MLN: variants seen among roughly 807,000 people sequenced by gnomAD.
MLN encodes the protein promotilin.
Under a neutral mutation model 13.3 loss-of-function variants are expected in MLN, and 14 were observed. The ratio of observed to expected loss-of-function variants is 1.05; its 90% CI spans 0.69 to 1.64. The LOEUF is 1.64. Ranked by LOEUF, MLN falls within the 40% of genes most tolerant of loss-of-function variation. The pLI is 0.00. For missense variants in MLN, 122 were observed against 142.9 expected, an observed-to-expected ratio of 0.85 and a Z score of 0.75; for synonymous variants, 59 against 54.7, an observed-to-expected ratio of 1.08 and a Z score of -0.34.
rs1760907030 is a variant in MLN, at chr6:33,803,763, C to T, written c.-8+190G>A. Among the ~76,000 whole-genome samples the T allele has an allele frequency of 6.6e-6, 1 of 152,250 alleles. No homozygotes were observed. Among genetic ancestry groups the T allele is most frequent in the African/African-American group, 2.4e-5 (1 of 41,466 alleles). On this transcript the variant is annotated intron_variant, in intron 1 of 4. Coordinates refer to ENST00000430124, the MANE Select transcript of MLN (RefSeq NM_002418.3). The surrounding 1 kb of genome is among the most constrained non-coding windows in gnomAD (Gnocchi z 4.5). ...GTTGTACCCACCTGCTTGCCTCCAG[C>T]GTCTGTGCCTCAGCCCTGCCTCTGC...
At position 33,794,843 on chromosome 6, in the gene MLN, A is replaced by G; in HGVS notation, c.338-8T>C. 6.2e-7 allele frequency: 1 copy of G among 1,613,642 alleles called. No individual in the cohort carries two copies. Among genetic ancestry groups the G allele is most frequent in the Non-Finnish European group, 8.5e-7 (1 of 1,179,742 alleles). On this transcript the variant is annotated splice_polypyrimidine_tract_variant and splice_region_variant and intron_variant, in intron 4 of 4. Coordinates refer to ENST00000430124, the MANE Select transcript of MLN (RefSeq NM_002418.3). ...GTGGCCATCACTTGGCTGCTGGAGA[A>G]AAGCAGAGGTTTGCGCTCAGTACCA... is the stretch of plus-strand genomic sequence containing the variant.
chr6:33,794,889 A>ACTGC (rs1339621193), intron 4 of MLN, 54 bp from the exon 5 acceptor site: 1 of 1,604,318 alleles, frequency 6.2e-7, no homozygotes, highest in Non-Finnish European at 8.5e-7. Flanking sequence ...TGCTTATGAA[A>ACTGC]CTGCCCTCTA....
chr6:33,799,255 C>T lies in MLN; in HGVS notation c.118-34G>A, dbSNP rs1450535841. 5 of 1,502,880 alleles carry T rather than the reference C, an allele frequency of 3.3e-6. No homozygotes were observed. The highest frequency in any genetic ancestry group is 4.6e-6 in the Non-Finnish European group (5 of 1,082,134). The allele number at this position is 1,502,880 out of a possible 1,614,324, so 93.1% of individuals were successfully genotyped here. A position where few individuals can be genotyped will look rare whatever the true frequency, so the allele number is the denominator to read the frequency against. On this transcript the variant is annotated intron_variant, in intron 2 of 4. Coordinates refer to ENST00000430124, the MANE Select transcript of MLN (RefSeq NM_002418.3). This position sits in a 1 kb window ranked among gnomAD's most constrained non-coding sequence, Gnocchi z 4.6. Reference sequence around the variant, plus strand: ...AGAACAGAAAATTGCACAAAACCGCCCTCCCTCAACCCACGCTGATGGCCC... The same window carrying T: ...AGAACAGAAAATTGCACAAAACCGCTCTCCCTCAACCCACGCTGATGGCCC...
Position 33,802,457 on chromosome 6 carries a change from A to G in MLN, c.-7-1287T>C, listed in dbSNP as rs1022826105. Among the ~76,000 whole-genome samples, 7 of 152,246 alleles carry G rather than the reference A, an allele frequency of 4.6e-5. No homozygotes were observed. In the East Asian group the frequency reaches 7.7e-4, roughly 17 times the overall value. On this transcript the variant is annotated intron_variant, in intron 1 of 4. Coordinates refer to ENST00000430124, the MANE Select transcript of MLN (RefSeq NM_002418.3). ...CCTCGGGGCTTCTCTGCAGGTCTCA[A>G]CCTGGCTCCCCCTTTGAACAGAACC...
Position 33,803,418 on chromosome 6 carries a change from C to G in MLN, c.-8+535G>C, listed in dbSNP as rs1460889148. On this transcript the variant is annotated intron_variant, in intron 1 of 4. Transcript: ENST00000430124. The surrounding 1 kb of genome is among the most constrained non-coding windows in gnomAD (Gnocchi z 4.5). The stretch of plus-strand genomic sequence containing the variant: ...TGCCTCCCAGGTTCAAGCGATTCTT[C>G]TGCCTCAGCTTCCTGAGTAGCTGGG... Among the ~76,000 whole-genome samples the G allele has an allele frequency of 6.6e-6, 1 of 150,752 alleles. No homozygotes were observed. The highest frequency in any genetic ancestry group is 1.5e-5 in the Non-Finnish European group (1 of 67,894).
In MLN at chr6:33,801,126, A is replaced by G; in HGVS notation, c.38T>C (p.Val13Ala). Residue 13 changes from valine (V) to alanine (A), a missense_variant, in exon 2 of 5, where the codon GTG (valine) becomes GCG (alanine). By Grantham distance (64) the Val-to-Ala change is moderately conservative (BLOSUM62 0). Transcript: ENST00000430124. ...GGAGGCCAGCATGGCAGCTACATGC[A>G]CCACCAGCAGAGCAGCCACAGCCTT... ...SRKAVAALLV[V>A]HVAAMLASQT... The G allele has an allele frequency of 6.2e-7, 1 of 1,613,950 alleles. No individual in the cohort carries two copies. The highest frequency in any genetic ancestry group is 1.1e-5 in the South Asian group (1 of 91,076).
rs1768043224 is a variant in MLN, at chr6:33,801,298, A to T, written c.-7-128T>A. 5.8e-6 allele frequency: 4 copies of T among 689,160 alleles called. No homozygotes were observed. The African/African-American group carries it at 7.1e-5, about 12-fold the overall frequency. The allele number at this position is 689,160 out of a possible 1,614,324, so 42.7% of individuals were successfully genotyped here. A position where few individuals can be genotyped will look rare whatever the true frequency, so the allele number is the denominator to read the frequency against. The stretch of plus-strand genomic sequence containing the variant: ...GCTGTGTGATCTTCAGCCAAAGCTC[A>T]GCCTGTCTGGATTTGGGCCTGGTAT... On this transcript the variant is annotated intron_variant, in intron 1 of 4. Coordinates refer to ENST00000430124, the MANE Select transcript of MLN (RefSeq NM_002418.3).
chr6:33,801,202 G>GT, intron 1 of MLN, 32 bp from the exon 2 acceptor site: 1 of 1,544,882 alleles, frequency 6.5e-7, no homozygotes, highest in Non-Finnish European at 8.9e-7. Flanking sequence ...TTGTCACTAA[G>GT]TTTGGGGTAC....
intron 1 of MLN, among the ~76,000 whole-genome samples, chr6:33,801,883 C>T (rs1284243961): frequency 2.0e-5 from 3 of 152,246 alleles, no homozygotes; most frequent in Admixed American, 6.5e-5. Flanking sequence ...ACCCTGGAAC[C>T]CAGTGATTGC....
At chr6:33,794,912 A>C (rs1767873537) in intron 4 of MLN, 77 bp from the exon 5 acceptor site, 1 of 1,575,912 alleles carries the variant, frequency 6.3e-7, no homozygotes. Flanking sequence ...ACTTGCCTGC[A>C]GGTCGGAGGG....
Position 33,795,528 on chromosome 6 carries a change from C to T in MLN, c.312G>A (p.Leu104=). 1.3e-6 allele frequency: 2 copies of T among 1,566,034 alleles called. No homozygotes were observed. Among genetic ancestry groups the T allele is most frequent in the Non-Finnish European group, 1.7e-6 (2 of 1,153,922 alleles). The part of the protein sequence containing the change: ...LEKYPATLEG[L]LSEMLPQHAA... ...CATGCTGGGGAAGCATCTCACTCAG[C>T]AGCCCTTCCAGGGTGGCCGGGTACT... The change falls in exon 4 of 5, where the codon CTG becomes CTA. Residue 104 remains leucine (L), a synonymous_variant. Transcript: ENST00000430124.
Position 33,803,728 on chromosome 6 carries a change from T to G in MLN, c.-8+225A>C, listed in dbSNP as rs1481943563. On this transcript the variant is annotated intron_variant, in intron 1 of 4. Coordinates refer to ENST00000430124, the MANE Select transcript of MLN (RefSeq NM_002418.3). This position sits in a 1 kb window ranked among gnomAD's most constrained non-coding sequence, Gnocchi z 4.5. ...CAGACCCACCCACAACAGCCTCTGC[T>G]TTGCCAGGAGTTGTACCCACCTGCT... Among the ~76,000 whole-genome samples, 1 of 152,214 alleles carries G rather than the reference T, an allele frequency of 6.6e-6. No homozygotes were observed. Among genetic ancestry groups the G allele is most frequent in the Non-Finnish European group, 1.5e-5 (1 of 68,034 alleles).
chr6:33,794,924 G>C, intron 4 of MLN, 89 bp from the exon 5 acceptor site: 1 of 1,539,770 alleles, frequency 6.5e-7, no homozygotes, highest in Non-Finnish European at 8.9e-7. Context: ...GTCGGAGGGA[G>C]GAGGGGGCAC....
At chr6:33,796,187 A>G in intron 3 of MLN, among the ~76,000 whole-genome samples, 1 of 152,128 alleles carries the variant, frequency 6.6e-6, no homozygotes, top group Non-Finnish European at 1.5e-5. Context: ...TAAGCTTTAC[A>G]CTTATTCTAA....
chr6:33,799,374 T>A lies in MLN; in HGVS notation c.118-153A>T, dbSNP rs1382093640. The stretch of plus-strand genomic sequence containing the variant: ...CTCCAGGAGCCTCCTGCACGAGGAA[T>A]CTCAGATACTAACTAGTGGCTCATG... On this transcript the variant is annotated intron_variant, in intron 2 of 4. Transcript: ENST00000430124. This position sits in a 1 kb window ranked among gnomAD's most constrained non-coding sequence, Gnocchi z 4.6. Among the ~76,000 whole-genome samples the A allele has an allele frequency of 6.6e-6, 1 of 152,136 alleles. No individual in the cohort carries two copies. The highest frequency in any genetic ancestry group is 1.5e-5 in the Non-Finnish European group (1 of 68,016).
intron 1 of MLN, among the ~76,000 whole-genome samples, chr6:33,802,909 A>G (rs1760879474): frequency 6.6e-6 from 1 of 152,076 alleles, no homozygotes; most frequent in South Asian, 2.1e-4. Context: ...GATGTGTCAC[A>G]TTTATGGCAT....
intron 2 of MLN, among the ~76,000 whole-genome samples, chr6:33,800,236 G>A (rs1342495504): frequency 6.6e-6 from 1 of 152,240 alleles, no homozygotes; most frequent in African/African-American, 2.4e-5. Flanking sequence ...TTCAGACAGG[G>A]TGGAGCATGA....
intron 3 of MLN, among the ~76,000 whole-genome samples, chr6:33,798,730 A>T (rs1454302437): frequency 6.6e-6 from 1 of 152,158 alleles, no homozygotes; most frequent in East Asian, 1.9e-4. Context: ...CTTTGCACTC[A>T]CTGTTCCTTC....
Position 33,801,083 on chromosome 6 carries a change from G to T in MLN, c.81C>A (p.Val27=). Residue 27 remains valine, a synonymous_variant, in exon 2 of 5, where the codon GTC becomes GTA. Transcript: ENST00000430124. ...AMLASQTEAF[V]PIFTYGELQR... is the part of the protein sequence containing the mutation. The stretch of plus-strand genomic sequence containing the variant: ...GGAGTTCGCCATAGGTGAAGATGGG[G>T]ACGAAGGCTTCCGTCTGGGAGGCCA... 1 of 1,614,134 alleles carries T rather than the reference G, an allele frequency of 6.2e-7. No individual in the cohort carries two copies. The highest frequency in any genetic ancestry group is 8.5e-7 in the Non-Finnish European group (1 of 1,180,004).
Sources: gnomAD v4.1 joint callset for allele counts (sites outside exome capture counted in the v4.1 genomes callset) on GRCh38, gnomAD v4.1.1 for gene constraint, Gnocchi (gnomAD v3.1) non-coding constraint, MANE v1.5 for transcripts, NCBI Gene and HGNC (gene_info 2026-07-23, HGNC 2026-07-21) for gene names.